Variants in JPH3 observed in about 807,000 individuals in gnomAD.
JPH3 encodes the protein junctophilin 3, also known as junctophilin-3.
A neutral mutation model predicts 59.6 loss-of-function variants in JPH3; 11 were observed. The ratio of observed to expected loss-of-function variants is 0.18; its 90% CI spans 0.12 to 0.31. JPH3 has a LOEUF of 0.31. JPH3 is among the 10% of genes least tolerant of loss of function. The pLI is 1.00. For synonymous variants in JPH3, 673 were observed against 483.6 expected, an observed-to-expected ratio of 1.39 and a Z score of -5.14; for missense variants, 1,202 against 1,105.7, an observed-to-expected ratio of 1.09 and a Z score of -1.24.
chr16:87,620,457 A>T (rs1372768343), intron 1 of JPH3, among the ~76,000 whole-genome samples: 3 of 94,794 alleles, frequency 3.2e-5, no homozygotes, highest in Non-Finnish European at 6.4e-5. Flanking sequence ...AGAGAGAAGG[A>T]GAGAGAGGGA....
intron 2 of JPH3, among the ~76,000 whole-genome samples, chr16:87,655,503 A>T (rs376191318): frequency 8.5e-5 from 13 of 152,188 alleles, no homozygotes; most frequent in African/African-American, 3.1e-4. Context: ...GCAGCCGTGC[A>T]CCACCACGCC....
At chr16:87,620,898 C>T (rs368353199) in intron 1 of JPH3, among the ~76,000 whole-genome samples, 55 of 152,286 alleles carry the variant, frequency 3.6e-4, no homozygotes, top group East Asian at 3.9e-4. Flanking sequence ...CGGTGGCTCG[C>T]GCCTATAATC....
In JPH3 at chr16:87,635,316, G is replaced by A. The variant is rs553688958; in HGVS notation, c.383-8942G>A. ...CTGCGCTCTCTCCAGCTGGGACCCC[G>A]GGCTCCGAAACTAAAGTTTTGGGAA... On this transcript the variant is annotated intron_variant, in intron 1 of 4. Coordinates refer to ENST00000284262, the MANE Select transcript of JPH3 (RefSeq NM_020655.4). Among the ~76,000 whole-genome samples the A allele has an allele frequency of 1.8e-3, 272 of 152,306 alleles. 3 individuals are homozygous for A. The highest frequency in any genetic ancestry group is 6.2e-3 in the African/African-American group (258 of 41,562).
At chr16:87,610,579 T>A (rs561996226) in intron 1 of JPH3, among the ~76,000 whole-genome samples, 1 of 152,198 alleles carries the variant, frequency 6.6e-6, no homozygotes, top group African/African-American at 2.4e-5. Flanking sequence ...TATGCCTGTT[T>A]CATTGCAAGA....
chr16:87,679,474 C>T lies in JPH3; in HGVS notation c.1161-4668C>T, dbSNP rs79658156. ...AAGCTTCCCTCTTCCATCCTGGCACCGGCAGAAAAGCCCATTAAAATAATT... is the reference window on the plus strand; with the variant it reads ...AAGCTTCCCTCTTCCATCCTGGCACTGGCAGAAAAGCCCATTAAAATAATT... On this transcript the variant is annotated intron_variant, in intron 2 of 4. Transcript: ENST00000284262. Among the ~76,000 whole-genome samples the T allele has an allele frequency of 6.3e-3, 955 of 152,272 alleles. 9 individuals carry two copies. The highest frequency in any genetic ancestry group is 0.022 in the African/African-American group (926 of 41,554).
chr16:87,694,894 T>C lies in JPH3; in HGVS notation c.2167-1686T>C, dbSNP rs72810188. 1,622 of 224,892 alleles carry C rather than the reference T, an allele frequency of 7.2e-3. 10 individuals carry two copies. The highest frequency in any genetic ancestry group is 0.014 in the Admixed American group (270 of 19,054). The allele number at this position is 224,892 out of a possible 1,614,324, so 13.9% of individuals were successfully genotyped here. A position where few individuals can be genotyped will look rare whatever the true frequency, so the allele number is the denominator to read the frequency against. ...ACGCAGCATGCACTGCTCCTGCGCT[T>C]TCTCTGTGGCAGCCGCGGTTGCACG... On this transcript the variant is annotated intron_variant, in intron 4 of 4. Transcript: ENST00000284262.
chr16:87,635,344 G>A (rs2031703686), intron 1 of JPH3, among the ~76,000 whole-genome samples: 1 of 152,190 alleles, frequency 6.6e-6, no homozygotes, highest in Non-Finnish European at 1.5e-5. Flanking sequence ...TTTGGGAAGA[G>A]TGTCAGCTGA....
chr16:87,632,668 G>A (rs918565096), intron 1 of JPH3, among the ~76,000 whole-genome samples: 1 of 152,184 alleles, frequency 6.6e-6, no homozygotes, highest in African/African-American at 2.4e-5. Context: ...CAAGACGGGT[G>A]GATCACTTGA....
chr16:87,613,189 C>G (rs1000975287), intron 1 of JPH3, among the ~76,000 whole-genome samples: 1 of 149,228 alleles, frequency 6.7e-6, no homozygotes, highest in Non-Finnish European at 1.5e-5. Flanking sequence ...CTCCGCCTGC[C>G]GGATTCACGC....
intron 1 of JPH3, among the ~76,000 whole-genome samples, chr16:87,618,001 GAAAATAC>G: frequency 6.6e-6 from 1 of 152,050 alleles, no homozygotes; most frequent in African/African-American, 2.4e-5. Flanking sequence ...CGTCTCTACA[GAAAATAC>G]AAAAATTAGC....
chr16:87,686,289 C>G (rs1214828424), intron 3 of JPH3, among the ~76,000 whole-genome samples: 2 of 151,934 alleles, frequency 1.3e-5, no homozygotes, highest in East Asian at 3.9e-4. Context: ...GGGCTCAGTC[C>G]TGGAGTCAGA....
intron 1 of JPH3, among the ~76,000 whole-genome samples, chr16:87,635,987 A>G (rs577562244): frequency 2.4e-4 from 36 of 152,306 alleles, no homozygotes; most frequent in Admixed American, 1.8e-3. Flanking sequence ...ACTGGAGCAG[A>G]CAGGACATTA....
At chr16:87,689,592 G>A (rs1046435643) in intron 3 of JPH3, 54 bp from the exon 4 acceptor site, 65 of 1,576,648 alleles carry the variant, frequency 4.1e-5, no homozygotes, top group Non-Finnish European at 5.3e-5. Context: ...CCGCGGCCTC[G>A]CTGTGGAATG....
At chr16:87,633,764 C>T (rs963109546) in intron 1 of JPH3, among the ~76,000 whole-genome samples, 26 of 151,976 alleles carry the variant, frequency 1.7e-4, no homozygotes, top group Admixed American at 2.6e-4. Context: ...ACACACTGCA[C>T]TCCAGCCTGG....
chr16:87,664,383 G>C (rs2032797790), intron 2 of JPH3, among the ~76,000 whole-genome samples: 1 of 150,762 alleles, frequency 6.6e-6, no homozygotes, highest in Non-Finnish European at 1.5e-5. Context: ...CACGCAGTTT[G>C]GGAGGCTGAG....
At chr16:87,651,257 C>T (rs1258641033) in intron 2 of JPH3, among the ~76,000 whole-genome samples, 2 of 152,244 alleles carry the variant, frequency 1.3e-5, no homozygotes, top group African/African-American at 4.8e-5. Context: ...TATTACTACT[C>T]ACCCCGGAGC....
At chr16:87,621,044 A>G (rs1208934472) in intron 1 of JPH3, among the ~76,000 whole-genome samples, 3 of 152,222 alleles carry the variant, frequency 2.0e-5, no homozygotes, top group Non-Finnish European at 4.4e-5. Context: ...CTGTAGTCCC[A>G]GCTACTCAGG....
Position 87,695,054 on chromosome 16 carries a change from C to G in JPH3, c.2167-1526C>G, listed in dbSNP as rs74039472. 1.4e-3 allele frequency: 460 copies of G among 338,486 alleles called. 4 individuals carry two copies. Among genetic ancestry groups the G allele is most frequent in the African/African-American group, 9.5e-3 (442 of 46,558 alleles). 21.0% of individuals were successfully genotyped at this position (338,486 alleles called of 1,614,324 possible). On this transcript the variant is annotated intron_variant, in intron 4 of 4. Transcript: ENST00000284262. ...TTGAGTGGAGGCTTGACTTTGCCCT[C>G]TTAGATTTAGGCCTGGGAGTGGAAC...
At chr16:87,667,583 G>T (rs1270297128) in intron 2 of JPH3, among the ~76,000 whole-genome samples, 1 of 152,174 alleles carries the variant, frequency 6.6e-6, no homozygotes, top group African/African-American at 2.4e-5. Flanking sequence ...GACAGGCAGG[G>T]CCTGGCATTG....
Sources: gnomAD v4.1 joint callset for allele counts (sites outside exome capture counted in the v4.1 genomes callset) on GRCh38, gnomAD v4.1.1 for gene constraint, MANE v1.5 for transcripts, NCBI Gene and HGNC (gene_info 2026-07-23, HGNC 2026-07-21) for gene names.